Variants in PPP1R1C observed in about 807,000 individuals in gnomAD.
PPP1R1C encodes the protein protein phosphatase 1 regulatory subunit 1C.
Under a neutral mutation model 17.4 loss-of-function variants are expected in PPP1R1C, and 15 were observed. The observed-to-expected ratio is 0.86, with a 90% confidence interval of 0.58 to 1.33. The LOEUF is 1.33. PPP1R1C is among the 40% of genes most tolerant of loss of function. The pLI, the probability that PPP1R1C is intolerant of heterozygous loss-of-function variation, is 0.00. For missense variants in PPP1R1C, 143 were observed against 130.0 expected (o/e 1.10, Z -0.48); for synonymous variants, 35 against 43.1 (o/e 0.81, Z 0.73).
chr2:181,990,523 A>G (rs1685446541), intron 2 of PPP1R1C, among the ~76,000 whole-genome samples: 1 of 152,124 alleles, frequency 6.6e-6, no homozygotes, highest in Admixed American at 6.5e-5. Flanking sequence ...GTAATGATCA[A>G]AAGAGTTACC....
chr2:182,099,449 G>T (rs1689037462), intron 4 of PPP1R1C, among the ~76,000 whole-genome samples: 1 of 152,192 alleles, frequency 6.6e-6, no homozygotes, highest in African/African-American at 2.4e-5. Context: ...TGTCTCATGG[G>T]AACGCTGAGG....
At chr2:182,003,891 G>A (rs1308495602) in intron 2 of PPP1R1C, among the ~76,000 whole-genome samples, 1 of 152,124 alleles carries the variant, frequency 6.6e-6, no homozygotes, top group Non-Finnish European at 1.5e-5. Flanking sequence ...AGCTTGAGTA[G>A]GAACACATAG....
chr2:182,099,800 G>T (rs560819861), intron 4 of PPP1R1C, among the ~76,000 whole-genome samples: 1 of 152,308 alleles, frequency 6.6e-6, no homozygotes, highest in South Asian at 2.1e-4. Context: ...TACTAAAGGA[G>T]TAACAGTGGC....
chr2:182,026,681 T>G (rs918463800), intron 2 of PPP1R1C, among the ~76,000 whole-genome samples: 25 of 152,176 alleles, frequency 1.6e-4, no homozygotes, highest in Non-Finnish European at 3.5e-4. Flanking sequence ...TAGGATTGAC[T>G]TGGCAATGCG....
intron 2 of PPP1R1C, among the ~76,000 whole-genome samples, chr2:181,988,190 C>T (rs777658997): frequency 3.3e-5 from 5 of 152,224 alleles, no homozygotes; most frequent in Non-Finnish European, 5.9e-5. Flanking sequence ...ACCTGGATTA[C>T]TGCTTATTAA....
intron 2 of PPP1R1C, among the ~76,000 whole-genome samples, chr2:181,978,120 G>T (rs1685126532): frequency 6.6e-6 from 1 of 152,108 alleles, no homozygotes. Flanking sequence ...TGCAGGGGAA[G>T]TCCCAGTTAT....
upstream of PPP1R1C, among the ~76,000 whole-genome samples, chr2:181,982,273 A>G (rs942829645): frequency 3.3e-5 from 5 of 152,202 alleles, no homozygotes; most frequent in Admixed American, 2.0e-4. Context: ...CTATGTATCT[A>G]TGGTATTTGG....
chr2:182,084,681 T>G (rs535176996), intron 4 of PPP1R1C, among the ~76,000 whole-genome samples: 4 of 152,176 alleles, frequency 2.6e-5, no homozygotes, highest in Non-Finnish European at 5.9e-5. Context: ...TAGTATAATT[T>G]GAAGTTGGCT....
intron 4 of PPP1R1C, among the ~76,000 whole-genome samples, chr2:182,072,601 A>G (rs1688172511): frequency 6.6e-6 from 1 of 152,066 alleles, no homozygotes; most frequent in Admixed American, 6.5e-5. Context: ...AGGGTGTCCT[A>G]TGAAGTTTTG....
chr2:182,124,314 G>GTTTTTTTTTT (rs796745919), intron 5 of PPP1R1C, among the ~76,000 whole-genome samples: 21 of 42,060 alleles, frequency 5.0e-4, no homozygotes, highest in South Asian at 9.0e-4. Flanking sequence ...GTTTTTTTTT[G>GTTTTTTTTTT]TTTTTTTTTT....
intron 4 of PPP1R1C, among the ~76,000 whole-genome samples, chr2:182,100,047 G>C (rs1287849418): frequency 1.3e-5 from 2 of 152,158 alleles, no homozygotes; most frequent in Non-Finnish European, 2.9e-5. Flanking sequence ...CTAATGTTTA[G>C]ACGTAACTTG....
At position 181,962,289 on chromosome 2, in the gene PPP1R1C, C is replaced by A; in HGVS notation, n.111+7655C>A. 2.6e-6 allele frequency: 2 copies of A among 759,344 alleles called. No individual in the cohort carries two copies. Among genetic ancestry groups the A allele is most frequent in the South Asian group, 1.5e-5 (1 of 65,626 alleles). The allele number at this position is 759,344 out of a possible 1,614,324, so 47.0% of individuals were successfully genotyped here. Reference sequence around the variant, plus strand: ...GCCAGACCCCCGGCCATCCCCGCGGCCAGGTCCCCGGACCCCATGCCACCC... The same window carrying A: ...GCCAGACCCCCGGCCATCCCCGCGGACAGGTCCCCGGACCCCATGCCACCC... On this transcript the variant is annotated intron_variant and non_coding_transcript_variant, in intron 1 of 5. Transcript: ENST00000464264. The surrounding 1 kb of genome is among the most constrained non-coding windows in gnomAD (Gnocchi z 6.0).
chr2:182,063,838 G>A (rs771957734), intron 4 of PPP1R1C, 47 bp downstream of exon 4: 27 of 1,423,044 alleles, frequency 1.9e-5, no homozygotes, highest in Non-Finnish European at 2.5e-5. Flanking sequence ...GTGAATCATG[G>A]CTGGTCGGCC....
chr2:182,118,540 T>A (rs929828105), downstream of PPP1R1C, among the ~76,000 whole-genome samples: 1 of 152,148 alleles, frequency 6.6e-6, no homozygotes. Context: ...GAAGAAAAAA[T>A]CAAATGTGTA....
At chr2:182,093,079 T>C (rs1417441407) in intron 4 of PPP1R1C, among the ~76,000 whole-genome samples, 1 of 152,188 alleles carries the variant, frequency 6.6e-6, no homozygotes, top group East Asian at 1.9e-4. Flanking sequence ...CCCTAACCCC[T>C]GCAGCAAGCA....
chr2:181,998,443 T>C (rs965955861), intron 2 of PPP1R1C, among the ~76,000 whole-genome samples: 4 of 152,250 alleles, frequency 2.6e-5, no homozygotes, highest in African/African-American at 9.6e-5. Flanking sequence ...ATAAGGCACC[T>C]GGAGTCTTCT....
At chr2:181,959,053 A>G (rs566286431) in intron 1 of PPP1R1C, among the ~76,000 whole-genome samples, 1 of 152,366 alleles carries the variant, frequency 6.6e-6, no homozygotes, top group Non-Finnish European at 1.5e-5. Context: ...AGATATTACC[A>G]TATAGTTTCC....
At chr2:182,041,573 A>G (rs972844633) in intron 2 of PPP1R1C, among the ~76,000 whole-genome samples, 1 of 143,760 alleles carries the variant, frequency 7.0e-6, no homozygotes, top group Non-Finnish European at 1.5e-5. Context: ...CATGCCATTG[A>G]CTCCAGTCTA....
intron 2 of PPP1R1C, among the ~76,000 whole-genome samples, chr2:182,007,691 G>A (rs980626816): frequency 1.3e-5 from 2 of 152,174 alleles, no homozygotes; most frequent in Non-Finnish European, 1.5e-5. Context: ...CTGGAGACTA[G>A]GAGTTTTATC....
Sources: allele counts gnomAD v4.1 joint callset (sites outside exome capture counted in the v4.1 genomes callset), GRCh38; gene constraint gnomAD v4.1.1; non-coding constraint Gnocchi (gnomAD v3.1); transcripts MANE v1.5; gene names NCBI Gene and HGNC (gene_info 2026-07-23, HGNC 2026-07-21).